CSMD3: variants seen among roughly 807,000 people sequenced by gnomAD.
CSMD3 encodes the protein CUB and sushi domain-containing protein 3.
A neutral mutation model predicts 435.2 loss-of-function variants in CSMD3; 177 were observed. The ratio of observed to expected loss-of-function variants is 0.41; its 90% CI spans 0.36 to 0.46. CSMD3 has a LOEUF of 0.46. CSMD3 is among the 20% of genes least tolerant of loss of function. The pLI, the probability that CSMD3 is intolerant of heterozygous loss-of-function variation, is 0.34. For synonymous variants in CSMD3, 1,656 were observed against 1,520.5 expected, an observed-to-expected ratio of 1.09 and a Z score of -2.07; for missense variants, 4,265 against 4,504.6, an observed-to-expected ratio of 0.95 and a Z score of 1.52.
chr8:113,106,164 A>G (rs1337569491), intron 4 of CSMD3, among the ~76,000 whole-genome samples: 1 of 152,090 alleles, frequency 6.6e-6, no homozygotes, highest in Non-Finnish European at 1.5e-5. Context: ...TCAAAGATGA[A>G]TACATGTTAG....
chr8:112,373,989 G>A (rs377641709), intron 38 of CSMD3, among the ~76,000 whole-genome samples: 24 of 152,256 alleles, frequency 1.6e-4, no homozygotes, highest in African/African-American at 5.8e-4. Context: ...TCTTAGCAAT[G>A]CAGCCAAAAA....
chr8:113,282,469 C>T (rs895985740), intron 2 of CSMD3, among the ~76,000 whole-genome samples: 1 of 151,824 alleles, frequency 6.6e-6, no homozygotes, highest in African/African-American at 2.4e-5. Flanking sequence ...ATCAAGAACT[C>T]AAACCCTTTT....
chr8:112,919,956 A>T (rs544731498), intron 10 of CSMD3, among the ~76,000 whole-genome samples: 61 of 151,974 alleles, frequency 4.0e-4, no homozygotes, highest in African/African-American at 1.3e-3. Flanking sequence ...AAGTTTCTTT[A>T]TATGTTTGGC....
intron 1 of CSMD3, among the ~76,000 whole-genome samples, chr8:113,329,213 A>AAATAAATAAATG (rs1326943115): frequency 6.7e-6 from 1 of 150,140 alleles, no homozygotes; most frequent in Non-Finnish European, 1.5e-5. Flanking sequence ...GAAAATAAAT[A>AAATAAATAAATG]AATAAATAAA....
chr8:112,497,940 T>C (rs1179019895), intron 30 of CSMD3, among the ~76,000 whole-genome samples: 1 of 152,092 alleles, frequency 6.6e-6, no homozygotes, highest in Non-Finnish European at 1.5e-5. Flanking sequence ...AACATTATTG[T>C]AAAGAAATAT....
At chr8:112,974,601 T>G (rs1308800586) in intron 7 of CSMD3, among the ~76,000 whole-genome samples, 1 of 151,834 alleles carries the variant, frequency 6.6e-6, no homozygotes, top group Non-Finnish European at 1.5e-5. Context: ...AATGGTAATA[T>G]TTATAATAGG....
chr8:113,096,013 C>A (rs867170725), intron 5 of CSMD3, among the ~76,000 whole-genome samples: 1 of 152,146 alleles, frequency 6.6e-6, no homozygotes, highest in Non-Finnish European at 1.5e-5. Flanking sequence ...GAGTGTCCCA[C>A]AACTCAGGTA....
chr8:113,150,258 T>C (rs1713351952), intron 4 of CSMD3, among the ~76,000 whole-genome samples: 1 of 152,120 alleles, frequency 6.6e-6, no homozygotes, highest in Non-Finnish European at 1.5e-5. Flanking sequence ...GGTGTAATTA[T>C]GGTTCCTAGT....
chr8:113,376,660 G>A, intron 1 of CSMD3: 18 of 1,526,698 alleles, frequency 1.2e-5, no homozygotes, highest in Non-Finnish European at 1.6e-5. Flanking sequence ...CCAGGCAGGA[G>A]GCGCCATCAT....
At chr8:112,938,988 G>A (rs2083369571) in intron 9 of CSMD3, among the ~76,000 whole-genome samples, 1 of 152,030 alleles carries the variant, frequency 6.6e-6, no homozygotes, top group Non-Finnish European at 1.5e-5. Flanking sequence ...GTGTGAAAGT[G>A]CTTTTGAGTT....
intron 13 of CSMD3, among the ~76,000 whole-genome samples, chr8:112,716,455 T>C (rs2076730878): frequency 6.6e-6 from 1 of 152,176 alleles, no homozygotes; most frequent in African/African-American, 2.4e-5. Flanking sequence ...CATTCCATGT[T>C]CATATATAGG....
chr8:112,353,387 C>T (rs1346747110), intron 38 of CSMD3, among the ~76,000 whole-genome samples: 16 of 151,430 alleles, frequency 1.1e-4, no homozygotes, highest in Admixed American at 9.8e-4. Flanking sequence ...GAGACTTCAT[C>T]TCAAAAAAAA....
chr8:112,426,150 CT>C (rs1217446113), intron 32 of CSMD3, among the ~76,000 whole-genome samples: 2 of 151,968 alleles, frequency 1.3e-5, no homozygotes, highest in African/African-American at 4.8e-5. Flanking sequence ...AAACTTTACT[CT>C]GAAAATGATT....
chr8:112,700,739 C>T (rs1563870390), intron 13 of CSMD3, among the ~76,000 whole-genome samples: 1 of 152,034 alleles, frequency 6.6e-6, no homozygotes, highest in Non-Finnish European at 1.5e-5. Context: ...ACATAAACTA[C>T]TATAGCAGCT....
intron 12 of CSMD3, among the ~76,000 whole-genome samples, chr8:112,813,341 T>C (rs1001273727): frequency 6.6e-6 from 1 of 152,176 alleles, no homozygotes; most frequent in African/African-American, 2.4e-5. Context: ...CAATTAACCA[T>C]TTGTGATATG....
chr8:113,132,355 C>A (rs2091304673), intron 4 of CSMD3, among the ~76,000 whole-genome samples: 1 of 151,932 alleles, frequency 6.6e-6, no homozygotes, highest in Non-Finnish European at 1.5e-5. Flanking sequence ...GTGTCCCTGC[C>A]CAAGTCTCAT....
rs185300857 is a variant in CSMD3, at chr8:112,735,220, A to T, written c.1973-45170T>A. On this transcript the variant is annotated intron_variant, in intron 13 of 70. Coordinates refer to ENST00000297405, the MANE Select transcript of CSMD3 (RefSeq NM_198123.2). Reference sequence around the variant, plus strand: ...CTGTATATAGCGAAGTATGAGCTGAAGTTGGTTATTTAATGACTATTGAGA... The same window carrying T: ...CTGTATATAGCGAAGTATGAGCTGATGTTGGTTATTTAATGACTATTGAGA... Among the ~76,000 whole-genome samples the T allele has an allele frequency of 9.7e-4, 147 of 152,176 alleles. 1 individual carries two copies. Among genetic ancestry groups the T allele is most frequent in the Non-Finnish European group, 4.1e-4 (28 of 67,972 alleles).
intron 1 of CSMD3, among the ~76,000 whole-genome samples, chr8:113,430,382 A>G (rs2094664674): frequency 6.8e-6 from 1 of 146,718 alleles, no homozygotes; most frequent in Non-Finnish European, 1.5e-5. Context: ...TTTTTTTTTT[A>G]CAGATAATAA....
chr8:113,002,278 T>A (rs540109099), intron 6 of CSMD3, among the ~76,000 whole-genome samples: 4 of 152,252 alleles, frequency 2.6e-5, no homozygotes, highest in African/African-American at 9.6e-5. Flanking sequence ...TTCCAAAGTA[T>A]GCACTCATAA....
Sources: gnomAD v4.1 joint callset for allele counts (sites outside exome capture counted in the v4.1 genomes callset) on GRCh38, gnomAD v4.1.1 for gene constraint, MANE v1.5 for transcripts, NCBI Gene and HGNC (gene_info 2026-07-23, HGNC 2026-07-21) for gene names.